The following C3orf70 variants were observed in gnomAD, a reference collection of about 807,000 sequenced individuals.
The protein encoded by C3orf70 is UPF0524 protein C3orf70.
C3orf70 carries 15 observed loss-of-function variants against 20.7 expected under a neutral mutation model. That is an observed-to-expected ratio of 0.72 (90% CI 0.48 to 1.11). C3orf70 has a LOEUF of 1.11. C3orf70 is among the 50% of genes most tolerant of loss of function. C3orf70 has a pLI of 0.00. For missense variants in C3orf70, 332 were observed against 317.6 expected (o/e 1.05, Z -0.34); for synonymous variants, 161 against 125.7 (o/e 1.28, Z -1.88).
chr3:185,091,953 ATATATATATATTTTTTTTT>A (rs1715596086), intron 1 of C3orf70, among the ~76,000 whole-genome samples: 5 of 11,218 alleles, frequency 4.5e-4, no homozygotes, highest in African/African-American at 2.2e-3. Context: ...ATATATATAT[ATATATATATATTTTTTTTT>A]TTTTTTAGTA....
At chr3:185,103,042 C>T (rs536758832) in intron 1 of C3orf70, among the ~76,000 whole-genome samples, 46 of 152,070 alleles carry the variant, frequency 3.0e-4, no homozygotes, top group African/African-American at 1.0e-3. Context: ...GTCAGGGGTT[C>T]GAGACCAGCC....
rs564821767 is a variant in C3orf70 at position 185,101,605 on chromosome 3, G to A, written c.197-18042C>T. Among the ~76,000 whole-genome samples, 15 of 152,290 alleles carry A rather than the reference G, an allele frequency of 9.8e-5. No homozygotes were observed. In the South Asian group the frequency reaches 2.9e-3, roughly 29 times the overall value. On this transcript the variant is annotated intron_variant, in intron 1 of 1. Transcript: ENST00000335012. Reference sequence around the variant, plus strand: ...CTTACAATCATGGTGGAAGGTGAATGGGAAGCAGGTACATTTTCACATGGC... The same window carrying A: ...CTTACAATCATGGTGGAAGGTGAATAGGAAGCAGGTACATTTTCACATGGC...
At chr3:185,100,226 C>A (rs566504879) in intron 1 of C3orf70, among the ~76,000 whole-genome samples, 76 of 152,270 alleles carry the variant, frequency 5.0e-4, no homozygotes, top group African/African-American at 1.7e-3. Flanking sequence ...TACCTCTCCA[C>A]CCCAAAACAG....
chr3:185,078,514 T>C lies in C3orf70; in HGVS notation c.*4493A>G, dbSNP rs1314328249. 6.6e-6 allele frequency: 1 copy of C among 152,224 alleles called. No individual in the cohort carries two copies. The highest frequency in any genetic ancestry group is 1.5e-5 in the Non-Finnish European group (1 of 68,040). 9.4% of individuals were successfully genotyped at this position (152,224 alleles called of 1,614,324 possible). A position where few individuals can be genotyped will look rare whatever the true frequency, so the allele number is the denominator to read the frequency against. On this transcript the variant is annotated 3_prime_UTR_variant, in exon 2 of 2. Transcript: ENST00000335012. ...TGTTGAGAAGTGCCCTATTTCTGTG[T>C]TGATGTGAGAGACACTGATATCCGG...
intron 1 of C3orf70, among the ~76,000 whole-genome samples, chr3:185,090,491 G>T (rs963980167): frequency 1.3e-5 from 2 of 152,068 alleles, no homozygotes; most frequent in Non-Finnish European, 2.9e-5. Flanking sequence ...CTCAGGGAAT[G>T]CAAAGTAATT....
chr3:185,096,983 C>T (rs945181332), intron 1 of C3orf70, among the ~76,000 whole-genome samples: 11 of 152,178 alleles, frequency 7.2e-5, no homozygotes, highest in African/African-American at 2.7e-4. Context: ...CTCCTTCCCA[C>T]TTTGTCTTTC....
chr3:185,086,801 GAA>G (rs1715467496), intron 1 of C3orf70, among the ~76,000 whole-genome samples: 1 of 152,134 alleles, frequency 6.6e-6, no homozygotes, highest in Non-Finnish European at 1.5e-5. Context: ...GGGATGCAAA[GAA>G]AGAGAGGAGG....
At chr3:185,123,178 CAAAAAAA>C (rs34803531) in intron 1 of C3orf70, among the ~76,000 whole-genome samples, 2 of 91,356 alleles carry the variant, frequency 2.2e-5, no homozygotes, top group African/African-American at 9.4e-5. Flanking sequence ...GACTCCATCT[CAAAAAAA>C]AAAAAAAAAA....
At chr3:185,119,548 T>C (rs1392687257) in intron 1 of C3orf70, among the ~76,000 whole-genome samples, 1 of 151,972 alleles carries the variant, frequency 6.6e-6, no homozygotes, top group Non-Finnish European at 1.5e-5. Context: ...ATTTAAATAG[T>C]ATACTATATC....
At chr3:185,139,643 T>C (rs1234008078) in intron 1 of C3orf70, among the ~76,000 whole-genome samples, 3 of 151,200 alleles carry the variant, frequency 2.0e-5, no homozygotes, top group Non-Finnish European at 2.9e-5. Context: ...AGAAGAGACA[T>C]GAAGACCAGA....
chr3:185,152,251 A>G (rs9874953), intron 1 of C3orf70, among the ~76,000 whole-genome samples: 4,348 of 152,296 alleles, frequency 0.029, 207 homozygotes, highest in African/African-American at 0.099. Context: ...CATCCCCAAC[A>G]GCTGTCGCCA....
In C3orf70 at chr3:185,122,174, C is replaced by T. The variant is rs1716315505; in HGVS notation, c.196+30454G>A. On this transcript the variant is annotated intron_variant, in intron 1 of 1. Coordinates refer to ENST00000335012, the MANE Select transcript of C3orf70 (RefSeq NM_001025266.3). ...ATTAATCAAAAGAAAGCTAGAGTGA[C>T]TATATAAATATCAAAGTAGATGATT... Among the ~76,000 whole-genome samples the T allele has an allele frequency of 2.0e-5, 3 of 151,206 alleles. No individual in the cohort carries two copies. The South Asian group carries it at 6.3e-4, about 32-fold the overall frequency.
intron 1 of C3orf70, among the ~76,000 whole-genome samples, chr3:185,146,037 A>C (rs1020454199): frequency 9.2e-5 from 14 of 151,828 alleles, no homozygotes; most frequent in Non-Finnish European, 1.6e-4. Flanking sequence ...CTCTGGAAGA[A>C]CCTATCAGCT....
chr3:185,103,844 C>T (rs986653020), intron 1 of C3orf70, among the ~76,000 whole-genome samples: 2 of 152,138 alleles, frequency 1.3e-5, no homozygotes, highest in East Asian at 3.9e-4. Flanking sequence ...GATTAGTGGG[C>T]TCCCAGGAAA....
chr3:185,119,727 T>C (rs1716254266), intron 1 of C3orf70, among the ~76,000 whole-genome samples: 1 of 150,548 alleles, frequency 6.6e-6, no homozygotes, highest in African/African-American at 2.4e-5. Flanking sequence ...TGGGGTGCTT[T>C]TAAAAAAATG....
At chr3:185,112,835 C>T (rs1432854440) in intron 1 of C3orf70, among the ~76,000 whole-genome samples, 1 of 152,060 alleles carries the variant, frequency 6.6e-6, no homozygotes, top group Non-Finnish European at 1.5e-5. Flanking sequence ...TCACTATATC[C>T]CTGGACTTTG....
chr3:185,146,455 T>C (rs1358315741), intron 1 of C3orf70, among the ~76,000 whole-genome samples: 2 of 151,810 alleles, frequency 1.3e-5, no homozygotes, highest in African/African-American at 2.4e-5. Context: ...ACCCAGCTAG[T>C]TTTTGTATTT....
rs1717016588 is a variant in C3orf70, at chr3:185,152,652, A to T, written c.172T>A (p.Cys58Ser). The T allele has an allele frequency of 1.9e-6, 3 of 1,587,464 alleles. No homozygotes were observed. The highest frequency in any genetic ancestry group is 1.1e-5 in the South Asian group (1 of 88,014). The change falls in exon 1 of 2, where the codon TGC becomes AGC. Residue 58 changes from cysteine (C) to serine (S), a missense_variant. Transcript: ENST00000335012. ...SHGKCFKLHW[C>S]CHLGWCHCKY... Reference sequence around the variant, plus strand: ...CAGTGACACCATCCTAGGTGACAGCACCAGTGCAGCTTGAAGCACTTGCCA... The same window carrying T: ...CAGTGACACCATCCTAGGTGACAGCTCCAGTGCAGCTTGAAGCACTTGCCA...
chr3:185,122,126 TA>T (rs1188499409), intron 1 of C3orf70, among the ~76,000 whole-genome samples: 4 of 141,978 alleles, frequency 2.8e-5, no homozygotes, highest in African/African-American at 1.1e-4. Context: ...AGCAAGAGTA[TA>T]AAGGAAATAT....
Sources: allele counts gnomAD v4.1 joint callset (sites outside exome capture counted in the v4.1 genomes callset), GRCh38; gene constraint gnomAD v4.1.1; transcripts MANE v1.5; gene names NCBI Gene and HGNC (gene_info 2026-07-23, HGNC 2026-07-21).